The following ITSN1 variants were observed in gnomAD, a reference collection of about 807,000 sequenced individuals.
ITSN1 encodes the protein intersectin 1.
Under a neutral mutation model 239.8 loss-of-function variants are expected in ITSN1, and 58 were observed. That is an observed-to-expected ratio of 0.24 (90% CI 0.20 to 0.30). The LOEUF (loss-of-function observed/expected upper bound fraction) is 0.30. ITSN1 is among the 10% of genes least tolerant of loss of function. The pLI is 1.00. For synonymous variants in ITSN1, 780 were observed against 770.8 expected, an observed-to-expected ratio of 1.01 and a Z score of -0.20; for missense variants, 1,558 against 2,103.3, an observed-to-expected ratio of 0.74 and a Z score of 5.07.
At chr21:33,825,925 C>G (rs2073949171) in intron 25 of ITSN1, among the ~76,000 whole-genome samples, 1 of 152,126 alleles carries the variant, frequency 6.6e-6, no homozygotes, top group Non-Finnish European at 1.5e-5. Flanking sequence ...TTTATTCTTT[C>G]AGTAACTCAT....
chr21:33,696,249 G>A (rs191113949), intron 1 of ITSN1, among the ~76,000 whole-genome samples: 7 of 152,256 alleles, frequency 4.6e-5, no homozygotes, highest in Admixed American at 4.6e-4. Flanking sequence ...GTAGCAGGAG[G>A]TAGCCAGCAT....
intron 1 of ITSN1, among the ~76,000 whole-genome samples, chr21:33,691,035 G>A (rs1376083853): frequency 2.0e-5 from 3 of 151,054 alleles, no homozygotes; most frequent in Non-Finnish European, 2.9e-5. Flanking sequence ...TCGTAGGCTG[G>A]TGGCCTTTCT....
At chr21:33,840,358 T>C (rs149438566) in intron 29 of ITSN1, among the ~76,000 whole-genome samples, 1 of 150,478 alleles carries the variant, frequency 6.6e-6, no homozygotes, top group African/African-American at 2.5e-5. Flanking sequence ...TAGCTATTTG[T>C]TTTTTGTTTT....
intron 33 of ITSN1, among the ~76,000 whole-genome samples, chr21:33,869,643 A>G (rs1292746220): frequency 1.3e-5 from 2 of 152,236 alleles, no homozygotes; most frequent in African/African-American, 2.4e-5. Context: ...ATGAGTGAAC[A>G]GATTTAGATG....
chr21:33,836,267 A>C (rs985310378), intron 28 of ITSN1, among the ~76,000 whole-genome samples, 174 bp from the exon 29 acceptor site: 2 of 152,234 alleles, frequency 1.3e-5, no homozygotes, highest in African/African-American at 4.8e-5. Flanking sequence ...CTTAGTTTTT[A>C]ATTCTTCACC....
intron 16 of ITSN1, among the ~76,000 whole-genome samples, chr21:33,783,972 T>C (rs558505822): frequency 6.6e-6 from 1 of 152,344 alleles, no homozygotes; most frequent in East Asian, 1.9e-4. Flanking sequence ...ACCCTTAATA[T>C]GTGGCGAGTC....
intron 29 of ITSN1, among the ~76,000 whole-genome samples, chr21:33,843,935 C>T (rs1011607323): frequency 3.9e-5 from 6 of 152,210 alleles, no homozygotes; most frequent in African/African-American, 1.2e-4. Flanking sequence ...GCATTTGTGC[C>T]TGGTCAGTGA....
chr21:33,839,258 G>A (rs1463088611), intron 29 of ITSN1, among the ~76,000 whole-genome samples: 1 of 152,214 alleles, frequency 6.6e-6, no homozygotes, highest in African/African-American at 2.4e-5. Context: ...AATATGCACG[G>A]TATGTGTGTG....
intron 21 of ITSN1, among the ~76,000 whole-genome samples, chr21:33,813,218 T>C (rs1046151180): frequency 3.9e-5 from 6 of 152,094 alleles, no homozygotes; most frequent in Non-Finnish European, 7.4e-5. Flanking sequence ...TCTTGCTCTG[T>C]CACCCAGGCT....
At chr21:33,846,678 C>T (rs1356739073) in intron 29 of ITSN1, among the ~76,000 whole-genome samples, 1 of 152,210 alleles carries the variant, frequency 6.6e-6, no homozygotes, top group Non-Finnish European at 1.5e-5. Flanking sequence ...TTCTACCTGC[C>T]TGTTGTTCCA....
chr21:33,868,591 G>T (rs1982134952), intron 33 of ITSN1, among the ~76,000 whole-genome samples: 1 of 152,224 alleles, frequency 6.6e-6, no homozygotes. Context: ...GGAGCCAGCA[G>T]GGCCGGCCGG....
At chr21:33,712,006 C>T (rs1183694615) in intron 1 of ITSN1, among the ~76,000 whole-genome samples, 6 of 152,156 alleles carry the variant, frequency 3.9e-5, no homozygotes, top group Admixed American at 1.3e-4. Context: ...CTCAGCTTCT[C>T]TCTAAAATTT....
intron 29 of ITSN1, among the ~76,000 whole-genome samples, chr21:33,845,769 C>CA (rs1472144937): frequency 6.6e-6 from 1 of 152,230 alleles, no homozygotes; most frequent in Non-Finnish European, 1.5e-5. Flanking sequence ...CATGACCCGT[C>CA]ACGAAAGTCC....
chr21:33,745,404 G>C (rs899713139), intron 5 of ITSN1, among the ~76,000 whole-genome samples: 4 of 152,206 alleles, frequency 2.6e-5, no homozygotes, highest in Non-Finnish European at 5.9e-5. Flanking sequence ...TTCCGACCAT[G>C]CCTGAGTTGA....
At chr21:33,718,898 C>T in intron 2 of ITSN1, 42 bp downstream of exon 2, 1 of 1,541,502 alleles carries the variant, frequency 6.5e-7, no homozygotes, top group East Asian at 2.3e-5. Flanking sequence ...ACTTTGGGAC[C>T]AGATTTTAAA....
At chr21:33,657,788 C>A (rs1419609661) in intron 1 of ITSN1, among the ~76,000 whole-genome samples, 1 of 152,070 alleles carries the variant, frequency 6.6e-6, no homozygotes, top group Non-Finnish European at 1.5e-5. Context: ...GAGTTTGAGA[C>A]CATCCAAGCA....
intron 16 of ITSN1, among the ~76,000 whole-genome samples, chr21:33,784,248 A>C (rs2147919233): frequency 6.6e-6 from 1 of 150,634 alleles, no homozygotes; most frequent in South Asian, 2.1e-4. Flanking sequence ...CAGGTGGATC[A>C]CTTGAGCAAG....
intron 31 of ITSN1, among the ~76,000 whole-genome samples, chr21:33,863,789 C>T (rs767296934): frequency 6.6e-6 from 1 of 152,242 alleles, no homozygotes; most frequent in African/African-American, 2.4e-5. Context: ...CTCATCCCCC[C>T]AAATTATTGG....
At chr21:33,729,287 C>A (rs892551679) in intron 4 of ITSN1, among the ~76,000 whole-genome samples, 96 of 151,354 alleles carry the variant, frequency 6.3e-4, no homozygotes, top group African/African-American at 2.3e-3. Flanking sequence ...CCCGTCTCTA[C>A]TTTAAAAAAA....
Sources: allele counts gnomAD v4.1 joint callset (sites outside exome capture counted in the v4.1 genomes callset), GRCh38; gene constraint gnomAD v4.1.1; transcripts MANE v1.5; gene names NCBI Gene and HGNC (gene_info 2026-07-23, HGNC 2026-07-21).